GUCY1A2: variants seen among roughly 807,000 people sequenced by gnomAD.
GUCY1A2 encodes guanylate cyclase soluble subunit alpha-2.
GUCY1A2 carries 27 observed loss-of-function variants against 63.5 expected under a neutral mutation model. The observed-to-expected ratio is 0.43, with a 90% CI of 0.31 to 0.59. GUCY1A2 has a LOEUF of 0.59. GUCY1A2 is among the 20% of genes least tolerant of loss of function. The pLI, the probability that GUCY1A2 is intolerant of heterozygous loss-of-function variation, is 0.11. For synonymous variants in GUCY1A2, 364 were observed against 343.5 expected (o/e 1.06, Z -0.66); for missense variants, 768 against 913.3 (o/e 0.84, Z 2.05).
intron 4 of GUCY1A2, among the ~76,000 whole-genome samples, chr11:106,910,547 A>G (rs976182676): frequency 2.0e-5 from 3 of 152,074 alleles, no homozygotes; most frequent in South Asian, 2.1e-4. Flanking sequence ...GACAATGTAC[A>G]TGTATCAGAA....
intron 4 of GUCY1A2, among the ~76,000 whole-genome samples, chr11:106,905,639 T>C (rs1413604309): frequency 1.3e-5 from 2 of 152,058 alleles, no homozygotes; most frequent in Non-Finnish European, 2.9e-5. Context: ...CCCTGTGAAG[T>C]TGCAGATACC....
intron 3 of GUCY1A2, among the ~76,000 whole-genome samples, chr11:106,950,022 C>T (rs1406518650): frequency 6.6e-6 from 1 of 152,176 alleles, no homozygotes; most frequent in Non-Finnish European, 1.5e-5. Flanking sequence ...ATATTTTGTA[C>T]CCTTCAGTAT....
At chr11:106,903,621 C>T (rs1480422861) in intron 4 of GUCY1A2, among the ~76,000 whole-genome samples, 1 of 152,130 alleles carries the variant, frequency 6.6e-6, no homozygotes, top group Non-Finnish European at 1.5e-5. Context: ...TAGATACTAT[C>T]CGAACAGAGA....
intron 6 of GUCY1A2, among the ~76,000 whole-genome samples, chr11:106,710,042 T>G (rs190712292): frequency 6.7e-5 from 4 of 59,726 alleles, no homozygotes; most frequent in African/African-American, 2.2e-4. Flanking sequence ...ATAAAGTATA[T>G]AGTTATATAT....
At chr11:106,805,007 C>T (rs927219153) in intron 5 of GUCY1A2, among the ~76,000 whole-genome samples, 1 of 152,218 alleles carries the variant, frequency 6.6e-6, no homozygotes, top group Admixed American at 6.5e-5. Flanking sequence ...ACTTACATTT[C>T]CTTGCCAATA....
In GUCY1A2 at chr11:106,684,139, G is replaced by T. The variant is rs1441025040; in HGVS notation, c.*3410C>A. ...CTGTGTCCTGACACCGTTGTTACTG[G>T]ACAAGAGGAAGGAGTGCAAGACTGT... is the stretch of plus-strand genomic sequence containing the variant. On this transcript the variant is annotated 3_prime_UTR_variant, in exon 8 of 8. Coordinates refer to ENST00000526355, the MANE Select transcript of GUCY1A2 (RefSeq NM_000855.3). 5.4e-6 allele frequency: 1 copy of T among 184,124 alleles called. No homozygotes were observed. Among genetic ancestry groups the T allele is most frequent in the Non-Finnish European group, 1.2e-5 (1 of 86,748 alleles). 11.4% of individuals were successfully genotyped at this position (184,124 alleles called of 1,614,324 possible).
At chr11:106,890,894 G>A (rs997116665) in intron 4 of GUCY1A2, among the ~76,000 whole-genome samples, 13 of 152,284 alleles carry the variant, frequency 8.5e-5, no homozygotes, top group African/African-American at 3.1e-4. Context: ...GAGCAATTGG[G>A]TGGTTTCCTG....
rs188342004 is a variant in GUCY1A2, at chr11:106,758,311, G to A, written c.1836+18128C>T. Among the ~76,000 whole-genome samples, 48 of 152,318 alleles carry A rather than the reference G, an allele frequency of 3.2e-4. 1 individual carries two copies. The highest frequency in any genetic ancestry group is 3.9e-4 in the Admixed American group (6 of 15,298). On this transcript the variant is annotated intron_variant, in intron 6 of 7. Transcript: ENST00000526355. ...CGTGGGACCCACTGAGCCAGGCACC[G>A]GAGGGAATCTCCTGGTCTGCTGGTT...
chr11:107,013,295 T>C (rs1861773621), intron 1 of GUCY1A2, among the ~76,000 whole-genome samples: 1 of 152,148 alleles, frequency 6.6e-6, no homozygotes, highest in African/African-American at 2.4e-5. Context: ...GCCTTGCCCT[T>C]ATATGACTCT....
At chr11:106,919,091 G>A (rs1565331559) in intron 4 of GUCY1A2, among the ~76,000 whole-genome samples, 1 of 152,046 alleles carries the variant, frequency 6.6e-6, no homozygotes, top group Non-Finnish European at 1.5e-5. Flanking sequence ...GATAAAGGAG[G>A]CATTGTCTCT....
chr11:106,767,209 A>G (rs1864180623), intron 6 of GUCY1A2, among the ~76,000 whole-genome samples: 1 of 152,156 alleles, frequency 6.6e-6, no homozygotes, highest in Admixed American at 6.5e-5. Context: ...ATATTTAACT[A>G]ACAAAATACT....
intron 5 of GUCY1A2, among the ~76,000 whole-genome samples, chr11:106,797,343 G>A (rs1049661584): frequency 1.1e-4 from 17 of 152,056 alleles, no homozygotes; most frequent in South Asian, 2.1e-4. Flanking sequence ...GAGGGGGAGA[G>A]GCGCTCTGAT....
intron 7 of GUCY1A2, among the ~76,000 whole-genome samples, 198 bp from the exon 8 acceptor site, chr11:106,687,954 T>C: frequency 6.6e-6 from 1 of 152,124 alleles, no homozygotes; most frequent in East Asian, 1.9e-4. Context: ...CATGTGATAA[T>C]AATAAAAAAA....
At chr11:106,971,219 A>ATGTGTGTG (rs67190015) in intron 3 of GUCY1A2, among the ~76,000 whole-genome samples, 202 of 149,264 alleles carry the variant, frequency 1.4e-3, no homozygotes, top group African/African-American at 3.8e-3. Flanking sequence ...ACAAATTTAA[A>ATGTGTGTG]TGTGTGTGTG....
chr11:106,801,022 G>A (rs189615285), intron 5 of GUCY1A2, among the ~76,000 whole-genome samples: 1 of 152,120 alleles, frequency 6.6e-6, no homozygotes, highest in East Asian at 1.9e-4. Flanking sequence ...TAGAAACACG[G>A]TTTTTCTTAA....
chr11:106,913,848 G>A (rs1396674463), intron 4 of GUCY1A2, among the ~76,000 whole-genome samples: 1 of 151,934 alleles, frequency 6.6e-6, no homozygotes, highest in Non-Finnish European at 1.5e-5. Flanking sequence ...CCTTATGCTT[G>A]AAGGCCAAAG....
At chr11:106,981,313 A>G (rs1164718696) in intron 2 of GUCY1A2, among the ~76,000 whole-genome samples, 2 of 152,166 alleles carry the variant, frequency 1.3e-5, no homozygotes, top group East Asian at 3.9e-4. Context: ...TGTCAAAAGA[A>G]AAAGAGAACA....
chr11:107,000,141 A>C (rs1010842493), intron 1 of GUCY1A2, among the ~76,000 whole-genome samples: 21 of 152,234 alleles, frequency 1.4e-4, no homozygotes, highest in African/African-American at 4.8e-4. Context: ...CTTTTGGAGA[A>C]AAAAATTTAA....
At chr11:106,767,552 C>A (rs1485067629) in intron 6 of GUCY1A2, among the ~76,000 whole-genome samples, 3 of 151,996 alleles carry the variant, frequency 2.0e-5, no homozygotes, top group Non-Finnish European at 2.9e-5. Flanking sequence ...GATTAAAATT[C>A]TGTGATTATA....
Sources: allele counts gnomAD v4.1 joint callset (sites outside exome capture counted in the v4.1 genomes callset), GRCh38; gene constraint gnomAD v4.1.1; transcripts MANE v1.5; gene names NCBI Gene and HGNC (gene_info 2026-07-23, HGNC 2026-07-21).